Variants in PARPBP observed in about 807,000 individuals in gnomAD.
PARPBP encodes PARP1 binding protein, also known as PCNA-interacting partner.
In PARPBP, 52 loss-of-function variants were observed where a neutral mutation model predicts 50.0. That is an observed-to-expected ratio of 1.04 (90% CI 0.83 to 1.31). The LOEUF is 1.31. Ranked by LOEUF, PARPBP falls within the 50% of genes most tolerant of loss-of-function variation. PARPBP has a pLI of 0.00. For synonymous variants in PARPBP, 244 were observed against 232.1 expected (o/e 1.05, Z -0.47); for missense variants, 697 against 672.0 (o/e 1.04, Z -0.41).
chr12:102,124,927 A>G (rs1168099881), intron 2 of PARPBP, among the ~76,000 whole-genome samples: 1 of 152,212 alleles, frequency 6.6e-6, no homozygotes, highest in South Asian at 2.1e-4. Flanking sequence ...TTGAGAAAAA[A>G]TAGTTACTAT....
At chr12:102,148,951 A>G (rs1211635956) in intron 3 of PARPBP, 1 of 152,336 alleles carries the variant, frequency 6.6e-6, no homozygotes, top group Non-Finnish European at 1.5e-5. Context: ...TTTTTTGCAC[A>G]AGCATTTTTT....
chr12:102,159,631 T>C (rs1414774046), intron 4 of PARPBP, among the ~76,000 whole-genome samples: 1 of 152,182 alleles, frequency 6.6e-6, no homozygotes, highest in Non-Finnish European at 1.5e-5. Context: ...AACCATTGCT[T>C]TTAAAATTCT....
intron 2 of PARPBP, among the ~76,000 whole-genome samples, chr12:102,136,295 A>G (rs929607628): frequency 1.3e-5 from 2 of 152,238 alleles, no homozygotes; most frequent in African/African-American, 4.8e-5. Context: ...CATACACTGG[A>G]AAATAATGAG....
At chr12:102,127,728 A>G (rs1002264214) in intron 2 of PARPBP, among the ~76,000 whole-genome samples, 10 of 152,194 alleles carry the variant, frequency 6.6e-5, no homozygotes, top group East Asian at 1.9e-4. Flanking sequence ...GGGTACATGT[A>G]CATTTATTGA....
At chr12:102,195,809 G>T in intron 10 of PARPBP, 142 bp from the exon 11 acceptor site, 1 of 593,516 alleles carries the variant, frequency 1.7e-6, no homozygotes, top group Non-Finnish European at 2.9e-6. Flanking sequence ...AGCTATATTT[G>T]TCAATCATAT....
rs115639696 is a variant in PARPBP, at chr12:102,170,318, A to G, written c.821+4435A>G. ...GCTCTCAGAAATGCATTGTTAGGCA[A>G]TTTCATCACTGTACAAACATCATAG... On this transcript the variant is annotated intron_variant, in intron 6 of 10. Coordinates refer to ENST00000327680, the MANE Select transcript of PARPBP (RefSeq NM_017915.5). Among the ~76,000 whole-genome samples, 1,397 of 152,344 alleles carry G rather than the reference A, an allele frequency of 9.2e-3. 24 individuals are homozygous for G. Among genetic ancestry groups the G allele is most frequent in the African/African-American group, 0.032 (1,312 of 41,570 alleles).
chr12:102,188,730 A>G (rs565727235), intron 9 of PARPBP, among the ~76,000 whole-genome samples: 5 of 152,292 alleles, frequency 3.3e-5, no homozygotes, highest in South Asian at 4.1e-4. Context: ...AGATACTGAA[A>G]TTTACTGGCA....
chr12:102,179,385 C>T (rs937581488), intron 8 of PARPBP, among the ~76,000 whole-genome samples: 11 of 152,194 alleles, frequency 7.2e-5, no homozygotes, highest in South Asian at 2.1e-4. Flanking sequence ...ATGCTGTCTT[C>T]GTCTACTCAG....
intron 1 of PARPBP, among the ~76,000 whole-genome samples, 169 bp from the exon 2 acceptor site, chr12:102,123,717 A>G (rs1209429143): frequency 6.6e-6 from 1 of 152,142 alleles, no homozygotes; most frequent in African/African-American, 2.4e-5. Context: ...ATTGCGCAGA[A>G]ATTGTATTAT....
chr12:102,125,476 A>G (rs940194668), intron 2 of PARPBP, among the ~76,000 whole-genome samples: 1 of 152,178 alleles, frequency 6.6e-6, no homozygotes, highest in Non-Finnish European at 1.5e-5. Context: ...GGCATTAGCC[A>G]TGGGGATTTT....
intron 2 of PARPBP, among the ~76,000 whole-genome samples, chr12:102,126,164 A>G (rs1185335528): frequency 2.0e-4 from 31 of 152,178 alleles, no homozygotes. Flanking sequence ...GGTGAGCAGA[A>G]AGGGTTCCTG....
At chr12:102,180,055 C>G (rs1166241415) in intron 8 of PARPBP, among the ~76,000 whole-genome samples, 1 of 152,108 alleles carries the variant, frequency 6.6e-6, no homozygotes, top group East Asian at 1.9e-4. Flanking sequence ...GTGTTGTCAT[C>G]TATTCCTTAA....
chr12:102,147,267 A>G (rs1778278205), intron 2 of PARPBP, among the ~76,000 whole-genome samples: 3 of 152,140 alleles, frequency 2.0e-5, no homozygotes, highest in South Asian at 4.1e-4. Context: ...ACATGCACAC[A>G]TATGTTTATT....
intron 1 of PARPBP, among the ~76,000 whole-genome samples, chr12:102,120,890 G>A (rs74628580): frequency 1.2e-4 from 18 of 152,298 alleles, no homozygotes; most frequent in Non-Finnish European, 2.4e-4. Flanking sequence ...ATCTGACTCG[G>A]AAGTGTAGTT....
chr12:102,195,263 T>C (rs1287972382), intron 9 of PARPBP, 49 bp from the exon 10 acceptor site: 1 of 1,223,270 alleles, frequency 8.2e-7, no homozygotes, highest in Non-Finnish European at 1.2e-6. Context: ...GATGAAGAAA[T>C]AAAATAATGA....
At chr12:102,125,198 A>G (rs185182162) in intron 2 of PARPBP, among the ~76,000 whole-genome samples, 83 of 152,332 alleles carry the variant, frequency 5.4e-4, no homozygotes, top group Non-Finnish European at 4.3e-4. Context: ...TTGGGAATAC[A>G]GTAATGAAAG....
chr12:102,147,747 A>C (rs1472443679), intron 2 of PARPBP, among the ~76,000 whole-genome samples: 2 of 152,138 alleles, frequency 1.3e-5, no homozygotes, highest in Non-Finnish European at 2.9e-5. Context: ...AATCTTTATG[A>C]CCATATTTTT....
At chr12:102,191,898 A>G (rs546534128) in intron 9 of PARPBP, among the ~76,000 whole-genome samples, 7 of 152,284 alleles carry the variant, frequency 4.6e-5, no homozygotes, top group African/African-American at 1.7e-4. Context: ...CTTCAAAAGC[A>G]CTTTTAAGAG....
At chr12:102,158,120 C>CAAAAAAA (rs55962862) in intron 4 of PARPBP, among the ~76,000 whole-genome samples, 14 of 47,948 alleles carry the variant, frequency 2.9e-4, no homozygotes, top group Admixed American at 4.4e-4. Flanking sequence ...GACTCCATCT[C>CAAAAAAA]AAAAAAAAAA....
Sources: allele counts gnomAD v4.1 joint callset (sites outside exome capture counted in the v4.1 genomes callset), GRCh38; gene constraint gnomAD v4.1.1; transcripts MANE v1.5; gene names NCBI Gene and HGNC (gene_info 2026-07-23, HGNC 2026-07-21).